Variants in EIF2AK4 observed in about 807,000 individuals in gnomAD.
The protein encoded by EIF2AK4 is eIF-2-alpha kinase GCN2.
EIF2AK4 carries 139 observed loss-of-function variants against 211.1 expected under a neutral mutation model. The observed-to-expected ratio is 0.66, with a 90% confidence interval of 0.57 to 0.76. The LOEUF is 0.76. Among genes scored for constraint, EIF2AK4 ranks in the 30% least tolerant of loss-of-function variants. The pLI is 0.00. For synonymous variants in EIF2AK4, 710 were observed against 751.3 expected (o/e 0.94, Z 0.90); for missense variants, 1,664 against 2,043.8 (o/e 0.81, Z 3.58).
intron 3 of EIF2AK4, chr15:39,946,708 C>G (rs774966420): frequency 1.1e-5 from 8 of 698,076 alleles, no homozygotes; most frequent in Admixed American, 8.0e-5. Flanking sequence ...TCAATCGATG[C>G]AGCAACTTCA....
chr15:39,976,396 C>T lies in EIF2AK4; in HGVS notation c.1819-18C>T, dbSNP rs1566991388. 1 of 1,575,428 alleles carries T rather than the reference C, an allele frequency of 6.3e-7. No homozygotes were observed. Among genetic ancestry groups the T allele is most frequent in the Non-Finnish European group, 8.6e-7 (1 of 1,161,300 alleles). On this transcript the variant is annotated intron_variant, in intron 11 of 38. Coordinates refer to ENST00000263791, the MANE Select transcript of EIF2AK4 (RefSeq NM_001013703.4). ...TGCAAGGCTCCGAGCGGCTGACCTT[C>T]CCCTGGCTGTGCCGCAGGTGCAGAA... is the stretch of plus-strand genomic sequence containing the variant.
intron 9 of EIF2AK4, among the ~76,000 whole-genome samples, chr15:39,968,233 G>A (rs1187818467): frequency 1.3e-5 from 2 of 152,282 alleles, no homozygotes; most frequent in Non-Finnish European, 1.5e-5. Flanking sequence ...CAAAGACGAG[G>A]CTCCTTATTC....
intron 13 of EIF2AK4, among the ~76,000 whole-genome samples, chr15:39,984,921 T>A (rs1408603542): frequency 2.6e-5 from 4 of 152,222 alleles, no homozygotes; most frequent in Non-Finnish European, 5.9e-5. Context: ...GGCATCCTTG[T>A]CTTGTGCCGA....
chr15:39,946,769 C>T (rs760244797), intron 3 of EIF2AK4: 60 of 658,202 alleles, frequency 9.1e-5, no homozygotes, highest in Non-Finnish European at 1.5e-4. Context: ...CTTCACCAGC[C>T]ACCACCTTGA....
intron 1 of EIF2AK4, 90 bp downstream of exon 1, chr15:39,934,429 C>T: frequency 2.0e-6 from 3 of 1,476,390 alleles, no homozygotes; most frequent in Non-Finnish European, 9.0e-7. Flanking sequence ...ATTGGGCCGC[C>T]GCTTTAGGAT....
intron 2 of EIF2AK4, among the ~76,000 whole-genome samples, chr15:39,941,199 T>G (rs2034140000): frequency 6.6e-6 from 1 of 152,282 alleles, no homozygotes; most frequent in Non-Finnish European, 1.5e-5. Context: ...ATTAAATCTT[T>G]GGCCACTGGT....
chr15:40,007,881 C>G (rs544801198), intron 24 of EIF2AK4, 146 bp from the exon 25 acceptor site: 2 of 571,048 alleles, frequency 3.5e-6, no homozygotes, highest in African/African-American at 3.9e-5. Context: ...AAGGCTGTTC[C>G]AGGTCAAATT....
chr15:39,994,365 TGG>T (rs2034991197), intron 18 of EIF2AK4, among the ~76,000 whole-genome samples: 1 of 152,136 alleles, frequency 6.6e-6, no homozygotes, highest in Admixed American at 6.5e-5. Context: ...CCCAGGACTT[TGG>T]GAGGCTGAAG....
At chr15:39,985,681 T>C in intron 13 of EIF2AK4, 124 bp from the exon 14 acceptor site, 1 of 747,588 alleles carries the variant, frequency 1.3e-6, no homozygotes, top group African/African-American at 1.7e-5. Context: ...TTCTGCTCAC[T>C]GACTTCTCCC....
Position 39,939,533 on chromosome 15 carries a change from T to C in EIF2AK4, c.173T>C (p.Val58Ala). 1 of 1,610,744 alleles carries C rather than the reference T, an allele frequency of 6.2e-7. No homozygotes were observed. Among genetic ancestry groups the C allele is most frequent in the Non-Finnish European group, 8.5e-7 (1 of 1,178,252 alleles). Residue 58 changes from valine to alanine, a missense_variant, in exon 2 of 39, where the codon GTT becomes GCT. Coordinates refer to ENST00000263791, the MANE Select transcript of EIF2AK4 (RefSeq NM_001013703.4). ...AAAGAGCCCCCTGAAATCAATTTAG[T>C]TTTGTACCCTCAAGGCCTAACTGGT... ...PVKEPPEINL[V>A]LYPQGLTGEE... is the part of the protein sequence containing the mutation.
chr15:39,988,246 A>G (rs962063666), intron 15 of EIF2AK4, 141 bp downstream of exon 15: 4 of 893,972 alleles, frequency 4.5e-6, no homozygotes, highest in Non-Finnish European at 6.7e-6. Context: ...TTTTTGTAGG[A>G]AATAGAACAA....
At chr15:40,006,313 GAAAA>G (rs921485162) in intron 23 of EIF2AK4, among the ~76,000 whole-genome samples, 5 of 150,162 alleles carry the variant, frequency 3.3e-5, no homozygotes, top group Non-Finnish European at 1.5e-5. Context: ...GCGTTTTGTT[GAAAA>G]AAAAAGAATA....
At chr15:40,006,754 T>TA (rs894800072) in intron 23 of EIF2AK4, among the ~76,000 whole-genome samples, 5 of 152,048 alleles carry the variant, frequency 3.3e-5, no homozygotes, top group African/African-American at 7.3e-5. Context: ...AAGTGAATTT[T>TA]AAAAAAAACC....
At chr15:39,949,306 C>G (rs1314717617) in intron 4 of EIF2AK4, 38 bp downstream of exon 4, 1 of 1,606,698 alleles carries the variant, frequency 6.2e-7, no homozygotes, top group Non-Finnish European at 8.5e-7. Flanking sequence ...GCATGGCCAG[C>G]CTGGAGGATT....
At chr15:40,015,901 G>A (rs2035297136) in intron 27 of EIF2AK4, among the ~76,000 whole-genome samples, 1 of 152,214 alleles carries the variant, frequency 6.6e-6, no homozygotes, top group Non-Finnish European at 1.5e-5. Context: ...GGGACTGTGA[G>A]ATCAATCATC....
intron 3 of EIF2AK4, chr15:39,946,704 G>C: frequency 1.4e-6 from 1 of 698,652 alleles, no homozygotes; most frequent in Non-Finnish European, 2.6e-6. Flanking sequence ...AGAGTCAATC[G>C]ATGCAGCAAC....
Position 40,008,020 on chromosome 15 carries a change from T to G in EIF2AK4, c.3408-7T>G. On this transcript the variant is annotated splice_region_variant and splice_polypyrimidine_tract_variant and intron_variant, in intron 24 of 38. Coordinates refer to ENST00000263791, the MANE Select transcript of EIF2AK4 (RefSeq NM_001013703.4). ...ATGACCTTAGAAATCTGGGTTTCTC[T>G]CTCCAGATACTGCATAGAACGTGTG... The G allele has an allele frequency of 6.6e-7, 1 of 1,524,270 alleles. No individual in the cohort carries two copies. Among genetic ancestry groups the G allele is most frequent in the Non-Finnish European group, 8.8e-7 (1 of 1,136,216 alleles). 94.4% of individuals were successfully genotyped at this position (1,524,270 alleles called of 1,614,324 possible). A position where few individuals can be genotyped will look rare whatever the true frequency, so the allele number is the denominator to read the frequency against.
At chr15:39,936,271 G>A (rs1017259653) in intron 1 of EIF2AK4, among the ~76,000 whole-genome samples, 3 of 152,136 alleles carry the variant, frequency 2.0e-5, no homozygotes, top group South Asian at 2.1e-4. Context: ...ATTGTACACC[G>A]GGCAAATGGC....
chr15:39,998,633 A>AT (rs1420229919), intron 19 of EIF2AK4, 98 bp from the exon 20 acceptor site: 2 of 958,822 alleles, frequency 2.1e-6, no homozygotes, highest in African/African-American at 3.4e-5. Flanking sequence ...TTGCTAGCAA[A>AT]TTTTTATTTC....
Sources: gnomAD v4.1 joint callset for allele counts (sites outside exome capture counted in the v4.1 genomes callset) on GRCh38, gnomAD v4.1.1 for gene constraint, MANE v1.5 for transcripts, NCBI Gene and HGNC (gene_info 2026-07-23, HGNC 2026-07-21) for gene names.